The following SYT16 variants were observed in gnomAD, a reference collection of about 807,000 sequenced individuals.
The protein encoded by SYT16 is synaptotagmin-16.
In SYT16, 42 loss-of-function variants were observed where a neutral mutation model predicts 61.4. That is an observed-to-expected ratio of 0.68 (90% confidence interval 0.53 to 0.89). The LOEUF is 0.89. Ranked by LOEUF, SYT16 falls within the 40% of genes least tolerant of loss-of-function variation. SYT16 has a pLI of 0.00. For missense variants in SYT16, 804 were observed against 807.3 expected (o/e 1.00, Z 0.05); for synonymous variants, 314 against 302.3 (o/e 1.04, Z -0.40).
chr14:62,064,334 G>GAAAAAAAAAAAAAAAAAAA (rs781727444), intron 3 of SYT16, among the ~76,000 whole-genome samples: 2 of 42,986 alleles, frequency 4.7e-5, no homozygotes, highest in African/African-American at 8.3e-5. Flanking sequence ...CTTTAAATTT[G>GAAAAAAAAAAAAAAAAAAA]AAAAAAAAAA....
chr14:62,034,468 A>G (rs1333045507), intron 3 of SYT16, among the ~76,000 whole-genome samples: 2 of 152,214 alleles, frequency 1.3e-5, no homozygotes, highest in African/African-American at 4.8e-5. Flanking sequence ...CCATCAACTG[A>G]TGAATGCATC....
chr14:61,902,274 A>T (rs1227753966), intron 1 of SYT16, among the ~76,000 whole-genome samples: 1 of 152,176 alleles, frequency 6.6e-6, no homozygotes, highest in Non-Finnish European at 1.5e-5. Flanking sequence ...GATTCTCTCA[A>T]AAGGCCATAT....
intron 1 of SYT16, among the ~76,000 whole-genome samples, chr14:61,898,999 A>C (rs936744683): frequency 6.6e-6 from 1 of 152,240 alleles, no homozygotes; most frequent in African/African-American, 2.4e-5. Context: ...ATAGGAAATA[A>C]GTTATGTTTC....
intron 7 of SYT16, among the ~76,000 whole-genome samples, chr14:62,089,581 A>G (rs1485701305): frequency 1.3e-5 from 2 of 152,228 alleles, no homozygotes; most frequent in Non-Finnish European, 2.9e-5. Context: ...TAACTAGCCT[A>G]TAGAACCTAT....
chr14:61,940,617 T>G (rs954998651), intron 1 of SYT16, among the ~76,000 whole-genome samples: 2 of 152,212 alleles, frequency 1.3e-5, no homozygotes, highest in African/African-American at 2.4e-5. Context: ...CCTGTCAGAT[T>G]TAAATGAGCA....
intron 3 of SYT16, among the ~76,000 whole-genome samples, chr14:62,060,234 T>A (rs1566808770): frequency 6.6e-6 from 1 of 152,116 alleles, no homozygotes; most frequent in Admixed American, 6.5e-5. Context: ...CTATTTTCTC[T>A]CAGTAATGTT....
At chr14:62,036,482 C>G (rs1365941816) in intron 3 of SYT16, among the ~76,000 whole-genome samples, 5 of 152,054 alleles carry the variant, frequency 3.3e-5, no homozygotes, top group Non-Finnish European at 5.9e-5. Flanking sequence ...TTAAGATTTG[C>G]AGAGACAGCA....
intron 5 of SYT16, among the ~76,000 whole-genome samples, chr14:62,078,664 T>C (rs1421959532): frequency 6.6e-6 from 1 of 152,196 alleles, no homozygotes; most frequent in East Asian, 1.9e-4. Context: ...GTATGGCTAA[T>C]TGCCTGATCT....
intron 1 of SYT16, among the ~76,000 whole-genome samples, chr14:61,901,741 TATA>T (rs369412092): frequency 0.01 from 1,482 of 147,550 alleles, 23 homozygotes; most frequent in African/African-American, 0.029. Flanking sequence ...TTCATCTGCT[TATA>T]ATAATAATAA....
intron 3 of SYT16, among the ~76,000 whole-genome samples, chr14:62,052,312 T>G (rs7160936): frequency 0.45 from 68,769 of 151,968 alleles, 18,803 homozygotes; most frequent in African/African-American, 0.78. Context: ...ATTCCAATTA[T>G]GGCTTTTTCT....
intron 1 of SYT16, among the ~76,000 whole-genome samples, chr14:61,873,782 T>C (rs1239059835): frequency 6.6e-6 from 1 of 152,212 alleles, no homozygotes; most frequent in Non-Finnish European, 1.5e-5. Context: ...CTACATGTTA[T>C]GATAGCCAAA....
chr14:61,969,238 A>ATG (rs1197920348), intron 1 of SYT16, among the ~76,000 whole-genome samples: 1 of 152,154 alleles, frequency 6.6e-6, no homozygotes, highest in Non-Finnish European at 1.5e-5. Context: ...ATCATTCTTG[A>ATG]TATTTGTTCT....
At chr14:61,860,214 A>AAACAAC (rs376899867) in intron 1 of SYT16, among the ~76,000 whole-genome samples, 46 of 152,216 alleles carry the variant, frequency 3.0e-4, no homozygotes, top group African/African-American at 9.9e-4. Context: ...GCTTCTTTCC[A>AAACAAC]AACAACAACA....
chr14:62,050,414 C>T (rs942562916), intron 3 of SYT16, among the ~76,000 whole-genome samples: 8 of 152,016 alleles, frequency 5.3e-5, no homozygotes, highest in South Asian at 2.1e-4. Context: ...GCCATTGGTT[C>T]GAACTTCCTC....
intron 3 of SYT16, among the ~76,000 whole-genome samples, chr14:62,003,251 A>G (rs1304660966): frequency 3.3e-5 from 5 of 152,034 alleles, no homozygotes; most frequent in Non-Finnish European, 7.4e-5. Flanking sequence ...TGACTGTATC[A>G]CGACAGCAGC....
rs141425553 is a variant in SYT16 at position 61,893,318 on chromosome 14, A to G, written c.-324-76814A>G. Reference sequence around the variant, plus strand: ...CTGGGTATTTATGACTTGTACGTTTATGCTTTCCTCTGAAATGCCTTTCAT... The same window carrying G: ...CTGGGTATTTATGACTTGTACGTTTGTGCTTTCCTCTGAAATGCCTTTCAT... On this transcript the variant is annotated intron_variant, in intron 1 of 7. Transcript: ENST00000683842. 8.0e-3 allele frequency among the ~76,000 whole-genome samples: 1,224 copies of G among 152,338 alleles called. 16 individuals carry two copies. Among genetic ancestry groups the G allele is most frequent in the Middle Eastern group, 0.017 (5 of 294 alleles).
At chr14:61,862,067 C>A (rs540693140) in intron 1 of SYT16, among the ~76,000 whole-genome samples, 1 of 152,150 alleles carries the variant, frequency 6.6e-6, no homozygotes, top group South Asian at 2.1e-4. Flanking sequence ...TAAAATGAAG[C>A]GCAATAAAGT....
chr14:62,075,206 C>T lies in SYT16; in HGVS notation c.808C>T (p.His270Tyr), dbSNP rs1162079416. The T allele has an allele frequency of 1.9e-6, 3 of 1,613,348 alleles. No individual in the cohort carries two copies. The highest frequency in any genetic ancestry group is 2.7e-5 in the African/African-American group (2 of 74,914). ...SYGEDDHIPA[H>Y]SQSPCERGDA... ...CGGTGAAGATGACCACATCCCTGCT[C>T]ACTCACAGTCCCCATGTGAAAGAGG... Residue 270 changes from histidine to tyrosine, a missense_variant, in exon 5 of 8, where the codon CAC (histidine) becomes TAC (tyrosine). Physicochemically the swap from His to Tyr is moderately conservative, Grantham distance 83. Transcript: ENST00000683842.
At chr14:61,998,119 A>G (rs2052843768) in intron 3 of SYT16, among the ~76,000 whole-genome samples, 1 of 152,048 alleles carries the variant, frequency 6.6e-6, no homozygotes, top group South Asian at 2.1e-4. Context: ...AACCTACCCA[A>G]TATCCACATT....
Sources: gnomAD v4.1 joint callset for allele counts (sites outside exome capture counted in the v4.1 genomes callset) on GRCh38, gnomAD v4.1.1 for gene constraint, MANE v1.5 for transcripts, NCBI Gene and HGNC (gene_info 2026-07-23, HGNC 2026-07-21) for gene names.